The following MEF2C variants were observed in gnomAD, a reference collection of about 807,000 sequenced individuals.
MEF2C encodes myocyte-specific enhancer factor 2C.
MEF2C carries 6 observed loss-of-function variants against 50.5 expected under a neutral mutation model. The observed-to-expected ratio is 0.12, with a 90% CI of 0.07 to 0.23. MEF2C has a LOEUF of 0.23. Among genes scored for constraint, MEF2C ranks in the 10% least tolerant of loss-of-function variants. The probability of loss-of-function intolerance (pLI) is 1.00; values close to 1 mark genes in which losing one functional copy is unlikely to be tolerated. For missense variants in MEF2C, 276 were observed against 605.0 expected, an observed-to-expected ratio of 0.46 and a Z score of 5.70; for synonymous variants, 183 against 228.0, an observed-to-expected ratio of 0.80 and a Z score of 1.78.
chr5:88,895,053 C>T (rs1834974696), intron 1 of MEF2C, among the ~76,000 whole-genome samples: 1 of 152,022 alleles, frequency 6.6e-6, no homozygotes. Context: ...CTTAGTGCCT[C>T]GCATATAGAA....
chr5:88,741,940 C>T, intron 6 of MEF2C: 1 of 985,020 alleles, frequency 1.0e-6, no homozygotes, highest in Non-Finnish European at 1.2e-6. Flanking sequence ...TGGTATAATA[C>T]TTAAGTTTAA....
chr5:88,798,832 A>C (rs887464175), intron 3 of MEF2C, among the ~76,000 whole-genome samples: 5 of 152,128 alleles, frequency 3.3e-5, no homozygotes, highest in Non-Finnish European at 7.4e-5. Context: ...TTTGGTGCAG[A>C]CATCCTTTTT....
chr5:88,900,242 T>C (rs1011645334), intron 1 of MEF2C, among the ~76,000 whole-genome samples: 7 of 151,804 alleles, frequency 4.6e-5, no homozygotes, highest in Admixed American at 1.3e-4. Context: ...CCATATTTAC[T>C]AATATAATTA....
rs994732846 is a variant in MEF2C, at chr5:88,799,881, C to T, written c.258+4717G>A. Among the ~76,000 whole-genome samples the T allele has an allele frequency of 3.5e-3, 309 of 88,284 alleles. 2 individuals are homozygous for T. Among genetic ancestry groups the T allele is most frequent in the Admixed American group, 6.2e-3 (62 of 10,064 alleles). 57.9% of individuals were successfully genotyped at this position (88,284 alleles called of 152,430 possible). ...TCTCTCTCTCTCTCTCACACACACA[C>T]ACACACACACACACACACACACACA... On this transcript the variant is annotated intron_variant, in intron 3 of 10. Transcript: ENST00000504921.
chr5:88,869,278 C>CGT (rs1828560988), intron 1 of MEF2C, among the ~76,000 whole-genome samples: 6 of 48,602 alleles, frequency 1.2e-4, no homozygotes, highest in South Asian at 1.5e-3. Flanking sequence ...TATATATATA[C>CGT]ATATATATAT....
Position 88,800,647 on chromosome 5 carries a change from G to C in MEF2C, c.258+3951C>G, listed in dbSNP as rs144014252. On this transcript the variant is annotated intron_variant, in intron 3 of 10. Coordinates refer to ENST00000504921, the MANE Select transcript of MEF2C (RefSeq NM_002397.5). ...TAGACAGCTAAGAGAACGAGGAGTG[G>C]AGCTAGTGAACAAGCAGTGAAGGGG... 6.0e-4 allele frequency among the ~76,000 whole-genome samples: 91 copies of C among 152,268 alleles called. No homozygotes were observed. In the East Asian group the frequency reaches 7.7e-3, roughly 13 times the overall value.
At chr5:88,844,102 A>AC (rs1376444665) in intron 1 of MEF2C, among the ~76,000 whole-genome samples, 1 of 152,106 alleles carries the variant, frequency 6.6e-6, no homozygotes, top group Admixed American at 6.6e-5. Context: ...GAGCCATCGC[A>AC]CCCCTGCGAA....
intron 1 of MEF2C, among the ~76,000 whole-genome samples, chr5:88,852,523 T>C (rs1821757269): frequency 6.6e-6 from 1 of 152,216 alleles, no homozygotes; most frequent in African/African-American, 2.4e-5. Flanking sequence ...ATTTTTATTT[T>C]AATTATTTTA....
At chr5:88,840,946 A>G (rs1254366067) in intron 1 of MEF2C, among the ~76,000 whole-genome samples, 1 of 152,196 alleles carries the variant, frequency 6.6e-6, no homozygotes, top group Non-Finnish European at 1.5e-5. Flanking sequence ...AAATATTCTC[A>G]TAGCACCAGT....
At chr5:88,765,246 T>C (rs779441838) in intron 3 of MEF2C, among the ~76,000 whole-genome samples, 1 of 152,224 alleles carries the variant, frequency 6.6e-6, no homozygotes, top group Non-Finnish European at 1.5e-5. Context: ...CAAATTAATA[T>C]TGAGTTCCAA....
intron 1 of MEF2C, among the ~76,000 whole-genome samples, chr5:88,895,420 C>T (rs1296814893): frequency 6.6e-6 from 1 of 152,096 alleles, no homozygotes; most frequent in Non-Finnish European, 1.5e-5. Context: ...ATGACATACC[C>T]ATTTGCCCAG....
chr5:88,849,953 T>C (rs1184639293), intron 1 of MEF2C, among the ~76,000 whole-genome samples: 1 of 152,204 alleles, frequency 6.6e-6, no homozygotes, highest in African/African-American at 2.4e-5. Flanking sequence ...TTGTTTATTA[T>C]ACTTTAAGTT....
chr5:88,865,176 C>T (rs1826895890), intron 1 of MEF2C, among the ~76,000 whole-genome samples: 1 of 152,168 alleles, frequency 6.6e-6, no homozygotes, highest in Non-Finnish European at 1.5e-5. Context: ...GGATTACAGG[C>T]AAGAGCCACT....
At chr5:88,855,329 ATTACATTT>A (rs1458645618) in intron 1 of MEF2C, among the ~76,000 whole-genome samples, 1 of 152,170 alleles carries the variant, frequency 6.6e-6, no homozygotes, top group Non-Finnish European at 1.5e-5. Context: ...GAAAAGCATC[ATTACATTT>A]TTTTGAATAG....
Position 88,797,343 on chromosome 5 carries a change from C to T in MEF2C, c.258+7255G>A, listed in dbSNP as rs558305307. 4.0e-5 allele frequency among the ~76,000 whole-genome samples: 6 copies of T among 151,584 alleles called. No homozygotes were observed. The East Asian group carries it at 9.7e-4, about 24-fold the overall frequency. On this transcript the variant is annotated intron_variant, in intron 3 of 10. Coordinates refer to ENST00000504921, the MANE Select transcript of MEF2C (RefSeq NM_002397.5). ...GTGCCTATATATTTAAGATAGTTAG[C>T]TCTTCTTGTTGCATTGATCCCTTTA... is the stretch of plus-strand genomic sequence containing the variant.
intron 5 of MEF2C, among the ~76,000 whole-genome samples, chr5:88,749,707 G>A (rs1429022764): frequency 6.6e-6 from 1 of 152,164 alleles, no homozygotes; most frequent in Non-Finnish European, 1.5e-5. Context: ...GAGTCAAGAT[G>A]TTTCAATAAG....
chr5:88,816,845 C>T (rs1805674618), intron 2 of MEF2C, among the ~76,000 whole-genome samples: 4 of 151,832 alleles, frequency 2.6e-5, no homozygotes, highest in South Asian at 2.1e-4. Flanking sequence ...TCATCATCAT[C>T]ATTATTATGA....
intron 3 of MEF2C, among the ~76,000 whole-genome samples, chr5:88,790,684 C>T (rs911628562): frequency 3.3e-5 from 5 of 152,016 alleles, no homozygotes; most frequent in African/African-American, 9.7e-5. Context: ...TTGAAAGATT[C>T]TCACTTTTAT....
intron 3 of MEF2C, among the ~76,000 whole-genome samples, chr5:88,779,331 A>G (rs992454943): frequency 6.6e-6 from 1 of 152,186 alleles, no homozygotes; most frequent in Non-Finnish European, 1.5e-5. Flanking sequence ...AATGTACACT[A>G]TCGACTAATT....
Sources: gnomAD v4.1 joint callset for allele counts (sites outside exome capture counted in the v4.1 genomes callset) on GRCh38, gnomAD v4.1.1 for gene constraint, MANE v1.5 for transcripts, NCBI Gene and HGNC (gene_info 2026-07-23, HGNC 2026-07-21) for gene names.